ITPR1: variants seen among roughly 807,000 people sequenced by gnomAD.
ITPR1 encodes inositol 1,4,5-trisphosphate-gated calcium channel ITPR1.
In ITPR1, 96 loss-of-function variants were observed where a neutral mutation model predicts 318.4. That is an observed-to-expected ratio of 0.30 (90% confidence interval 0.26 to 0.36). The LOEUF is 0.36. ITPR1 is among the 10% of genes least tolerant of loss of function. The pLI, the probability that ITPR1 is intolerant of heterozygous loss-of-function variation, is 1.00. For missense variants in ITPR1, 2,440 were observed against 3,460.2 expected (o/e 0.71, Z 7.40); for synonymous variants, 1,312 against 1,289.9 (o/e 1.02, Z -0.37).
chr3:4,523,061 T>G (rs1575404570), intron 4 of ITPR1, among the ~76,000 whole-genome samples: 1 of 152,252 alleles, frequency 6.6e-6, no homozygotes, highest in Non-Finnish European at 1.5e-5. Flanking sequence ...CCATGGCTAA[T>G]GAAATCTAGG....
intron 4 of ITPR1, among the ~76,000 whole-genome samples, chr3:4,596,488 T>A (rs574821468): frequency 6.6e-6 from 1 of 152,348 alleles, no homozygotes; most frequent in African/African-American, 2.4e-5. Context: ...CTAGCACGGT[T>A]GGAACATGGG....
rs934968411 is a variant in ITPR1, at chr3:4,758,922, C to T, written c.5545-7608C>T. The stretch of plus-strand genomic sequence containing the variant: ...GGGGTCCAGCAAGGTTGTTATGAAA[C>T]GTTAGGTGTCAAAAACACTTTGATT... On this transcript the variant is annotated intron_variant, in intron 44 of 61. Coordinates refer to ENST00000649015, the MANE Select transcript of ITPR1 (RefSeq NM_001378452.1). Among the ~76,000 whole-genome samples, 5 of 152,206 alleles carry T rather than the reference C, an allele frequency of 3.3e-5. No individual in the cohort carries two copies. In the South Asian group the frequency reaches 8.3e-4, roughly 25 times the overall value.
chr3:4,823,735 G>A (rs971865503), intron 60 of ITPR1, among the ~76,000 whole-genome samples: 3 of 152,164 alleles, frequency 2.0e-5, no homozygotes, highest in African/African-American at 7.2e-5. Context: ...TAGGTAGAAG[G>A]AATATGTTTG....
intron 10 of ITPR1, among the ~76,000 whole-genome samples, chr3:4,649,766 C>A: frequency 6.6e-6 from 1 of 152,198 alleles, no homozygotes; most frequent in East Asian, 1.9e-4. Context: ...AAGGCACTGG[C>A]AGATTCAGTG....
At position 4,590,535 on chromosome 3, in the gene ITPR1, T is replaced by C. The variant is rs114226688; in HGVS notation, c.164-37228T>C. Among the ~76,000 whole-genome samples the C allele has an allele frequency of 3.7e-3, 556 of 149,388 alleles. 7 individuals carry two copies. The highest frequency in any genetic ancestry group is 0.013 in the African/African-American group (534 of 41,004). Reference sequence around the variant, plus strand: ...ATTTTGTTCTTCTTAATAATAATAATAATTTTTTAATTATAATTACTATTT... The same window carrying C: ...ATTTTGTTCTTCTTAATAATAATAACAATTTTTTAATTATAATTACTATTT... On this transcript the variant is annotated intron_variant, in intron 4 of 61. Transcript: ENST00000649015.
chr3:4,818,415 T>A (rs1294832187), intron 60 of ITPR1, among the ~76,000 whole-genome samples, 173 bp downstream of exon 60: 3 of 152,024 alleles, frequency 2.0e-5, no homozygotes, highest in African/African-American at 7.2e-5. Context: ...TTCTCTGGAG[T>A]GATCCTCAGA....
chr3:4,639,444 G>T lies in ITPR1; in HGVS notation c.340G>T (p.Val114Leu). The change falls in exon 6 of 62, where the codon GTA becomes TTA. Residue 114 changes from valine (V) to leucine (L), a missense_variant. Coordinates refer to ENST00000649015, the MANE Select transcript of ITPR1 (RefSeq NM_001378452.1). ...AGAAAACAGGAAATTGCTGGGGACCGTAATCCAGTATGGCAATGTGATCCA... is the reference window on the plus strand; with the variant it reads ...AGAAAACAGGAAATTGCTGGGGACCTTAATCCAGTATGGCAATGTGATCCA... ...ETENRKLLGT[V>L]IQYGNVIQLL... 1 of 1,581,306 alleles carries T rather than the reference G, an allele frequency of 6.3e-7. No individual in the cohort carries two copies. The highest frequency in any genetic ancestry group is 8.6e-7 in the Non-Finnish European group (1 of 1,163,184).
At position 4,691,219 on chromosome 3, in the gene ITPR1, G is replaced by T. The variant is rs758961412; in HGVS notation, c.3904G>T (p.Val1302Phe). 1.9e-6 allele frequency: 3 copies of T among 1,613,296 alleles called. No homozygotes were observed. The highest frequency in any genetic ancestry group is 2.5e-6 in the Non-Finnish European group (3 of 1,179,442). ...QLCSEINERV[V>F]QHFVHCIETH... ...TTGCAGTGAGATCAACGAGAGAGTTGTTCAGCACTTCGTTCACTGCATAGA... is the reference window on the plus strand; with the variant it reads ...TTGCAGTGAGATCAACGAGAGAGTTTTTCAGCACTTCGTTCACTGCATAGA... The change falls in exon 32 of 62, where the codon GTT becomes TTT. Residue 1302 changes from valine (V) to phenylalanine (F), a missense_variant. By Grantham distance (50) the Val-to-Phe change is conservative. Transcript: ENST00000649015.
chr3:4,638,175 G>A lies in ITPR1; in HGVS notation c.280-1209G>A, dbSNP rs181461269. ...GGGAAAGAGGACCCACTGGCACCTG[G>A]TAGCATCTGGCCCCAAGGAAAGGAG... On this transcript the variant is annotated intron_variant, in intron 5 of 61. Coordinates refer to ENST00000649015, the MANE Select transcript of ITPR1 (RefSeq NM_001378452.1). Among the ~76,000 whole-genome samples, 43 of 152,274 alleles carry A rather than the reference G, an allele frequency of 2.8e-4. No homozygotes were observed. The East Asian group carries it at 7.7e-3, about 27-fold the overall frequency.
Position 4,800,562 on chromosome 3 carries a change from G to A in ITPR1, c.7069G>A (p.Gly2357Arg). 5 of 1,614,000 alleles carry A rather than the reference G, an allele frequency of 3.1e-6. No homozygotes were observed. The highest frequency in any genetic ancestry group is 4.2e-6 in the Non-Finnish European group (5 of 1,179,888). The change falls in exon 54 of 62, where the codon GGG becomes AGG. Residue 2357 changes from glycine (G) to arginine (R), a missense_variant. Physicochemically the swap from Gly to Arg is moderately radical, Grantham distance 125. Coordinates refer to ENST00000649015, the MANE Select transcript of ITPR1 (RefSeq NM_001378452.1). ...STILRLIFSVGLQPTLFLLGA... is the reference protein window; with the variant it reads ...STILRLIFSVRLQPTLFLLGA... ...AATTCTACGACTGATATTTTCAGTC[G>A]GGTTACAACCCACGTTGTTTCTTCT... is the stretch of plus-strand genomic sequence containing the variant.
chr3:4,788,256 CT>C, intron 52 of ITPR1, 117 bp downstream of exon 52: 1 of 816,784 alleles, frequency 1.2e-6, no homozygotes, highest in Non-Finnish European at 1.9e-6. Flanking sequence ...ATTTATGATA[CT>C]TTGCACCTCT....
At chr3:4,596,619 G>A (rs1246430898) in intron 4 of ITPR1, among the ~76,000 whole-genome samples, 4 of 152,158 alleles carry the variant, frequency 2.6e-5, no homozygotes, top group African/African-American at 9.7e-5. Flanking sequence ...GAGGTCATAT[G>A]GGTTATATGA....
intron 44 of ITPR1, among the ~76,000 whole-genome samples, chr3:4,737,522 C>G (rs779492035): frequency 2.0e-5 from 3 of 152,174 alleles, no homozygotes; most frequent in Non-Finnish European, 4.4e-5. Flanking sequence ...GCGGTTGGGT[C>G]TTTCAGACCG....
At chr3:4,841,550 T>C (rs993109172) in intron 61 of ITPR1, among the ~76,000 whole-genome samples, 19 of 152,236 alleles carry the variant, frequency 1.2e-4, no homozygotes, top group African/African-American at 4.3e-4. Flanking sequence ...TCCTCTTCTC[T>C]GCCTTCAAGA....
At chr3:4,703,970 A>G (rs889335262) in intron 36 of ITPR1, among the ~76,000 whole-genome samples, 2 of 152,214 alleles carry the variant, frequency 1.3e-5, no homozygotes, top group South Asian at 2.1e-4. Context: ...AGGATTATCT[A>G]TCAAAAAGAA....
At chr3:4,648,381 C>A (rs1477995586) in intron 10 of ITPR1, among the ~76,000 whole-genome samples, 2 of 152,132 alleles carry the variant, frequency 1.3e-5, no homozygotes, top group African/African-American at 4.8e-5. Context: ...AATGAAATAT[C>A]AGTTGTCAGA....
chr3:4,572,166 T>G (rs1429738896), intron 4 of ITPR1, among the ~76,000 whole-genome samples: 1 of 152,208 alleles, frequency 6.6e-6, no homozygotes, highest in Non-Finnish European at 1.5e-5. Flanking sequence ...CTCATAAGTT[T>G]CTGTCTTCAG....
At chr3:4,522,827 A>T (rs564324150) in intron 4 of ITPR1, among the ~76,000 whole-genome samples, 1 of 152,202 alleles carries the variant, frequency 6.6e-6, no homozygotes, top group African/African-American at 2.4e-5. Context: ...CCTCCCTAGG[A>T]AGAGATTGAT....
chr3:4,660,262 T>A (rs554853209), intron 13 of ITPR1, among the ~76,000 whole-genome samples: 1 of 152,330 alleles, frequency 6.6e-6, no homozygotes, highest in Admixed American at 6.5e-5. Context: ...TATTTCATTA[T>A]TAAATTACCC....
Sources: gnomAD v4.1 joint callset for allele counts (sites outside exome capture counted in the v4.1 genomes callset) on GRCh38, gnomAD v4.1.1 for gene constraint, MANE v1.5 for transcripts, NCBI Gene and HGNC (gene_info 2026-07-23, HGNC 2026-07-21) for gene names.